Variants in SLC45A1 observed in about 807,000 individuals in gnomAD.
SLC45A1 encodes the protein proton-associated sugar transporter A.
Under a neutral mutation model 57.6 loss-of-function variants are expected in SLC45A1, and 28 were observed. The ratio of observed to expected loss-of-function variants is 0.49; its 90% confidence interval spans 0.36 to 0.67. The LOEUF is 0.67. SLC45A1 is among the 30% of genes least tolerant of loss of function. The pLI, the probability that SLC45A1 is intolerant of heterozygous loss-of-function variation, is 0.00. For synonymous variants in SLC45A1, 459 were observed against 471.5 expected, an observed-to-expected ratio of 0.97 and a Z score of 0.34; for missense variants, 814 against 1,041.5, an observed-to-expected ratio of 0.78 and a Z score of 3.01.
rs200084739 is a variant in SLC45A1 at position 8,330,649 on chromosome 1, G to T, written c.1156G>T (p.Asp386Tyr). Residue 386 changes from aspartate to tyrosine, a missense_variant, in exon 5 of 9, where the codon GAC (aspartate) becomes TAC (tyrosine). Asp to Tyr is a radical substitution (Grantham distance 160, BLOSUM62 -3). Coordinates refer to ENST00000471889, the MANE Select transcript of SLC45A1 (RefSeq NM_001080397.3). The surrounding 1 kb of genome is among the most constrained non-coding windows in gnomAD (Gnocchi z 8.4). ...VLIDCFTGGHDSYLAIPGSVP... is the reference protein window; with the variant it reads ...VLIDCFTGGHYSYLAIPGSVP... Reference sequence around the variant, plus strand: ...CATTGACTGCTTCACGGGCGGCCACGACAGCTACCTGGCCATCCCTGGCAG... The same window carrying T: ...CATTGACTGCTTCACGGGCGGCCACTACAGCTACCTGGCCATCCCTGGCAG... 3.7e-6 allele frequency: 6 copies of T among 1,613,402 alleles called. No individual in the cohort carries two copies. The highest frequency in any genetic ancestry group is 3.3e-5 in the South Asian group (3 of 91,080).
rs112087207 is a variant in SLC45A1, at chr1:8,327,274, T to C, written c.715+1232T>C. On this transcript the variant is annotated intron_variant, in intron 4 of 8. Transcript: ENST00000471889. The surrounding 1 kb of genome is among the most constrained non-coding windows in gnomAD (Gnocchi z 4.3). ...TATATCCATACCATGCATATATGTA[T>C]GTATATATACATACCTGTGGCATGC... Among the ~76,000 whole-genome samples, 1 of 152,170 alleles carries C rather than the reference T, an allele frequency of 6.6e-6. No homozygotes were observed. The highest frequency in any genetic ancestry group is 2.4e-5 in the African/African-American group (1 of 41,434).
chr1:8,342,300 C>T (rs1206334788), intron 8 of SLC45A1, among the ~76,000 whole-genome samples: 1 of 152,138 alleles, frequency 6.6e-6, no homozygotes, highest in Non-Finnish European at 1.5e-5. Context: ...AAATATGCAC[C>T]ATCTAACAGT....
chr1:8,342,694 C>T (rs1200730265), intron 8 of SLC45A1, among the ~76,000 whole-genome samples: 1 of 152,034 alleles, frequency 6.6e-6, no homozygotes, highest in East Asian at 1.9e-4. Flanking sequence ...GAAATATTAC[C>T]TGGACAGTCT....
At position 8,343,866 on chromosome 1, in the gene SLC45A1, G is replaced by A. The variant is rs372567362; in HGVS notation, c.2100G>A (p.Ser700=). Residue 700 remains serine, a synonymous_variant, in exon 9 of 9, where the codon TCG becomes TCA. Coordinates refer to ENST00000471889, the MANE Select transcript of SLC45A1 (RefSeq NM_001080397.3). This position sits in a 1 kb window ranked among gnomAD's most constrained non-coding sequence, Gnocchi z 7.7. ...CCCTGGTCCTGGGGCCCCTGACCTC[G>A]GCCGTGGGCAGTGCCAACGGGGTGA... ...LVSLVLGPLT[S]AVGSANGVMY... is the part of the protein sequence containing the mutation. The A allele has an allele frequency of 9.9e-6, 16 of 1,614,058 alleles. No individual in the cohort carries two copies. Among genetic ancestry groups the A allele is most frequent in the Middle Eastern group, 1.6e-4 (1 of 6,084 alleles).
intron 6 of SLC45A1, 124 bp from the exon 7 acceptor site, chr1:8,337,692 A>G (rs1393091498): frequency 3.5e-6 from 3 of 858,434 alleles, no homozygotes; most frequent in Admixed American, 5.2e-5. Context: ...TGCTGGGATT[A>G]CAGGCGTGAG....
At position 8,339,672 on chromosome 1, in the gene SLC45A1, C is replaced by G. The variant is rs534819852; in HGVS notation, c.1954C>G (p.Leu652Val). The G allele has an allele frequency of 1.2e-6, 2 of 1,614,168 alleles. No individual in the cohort carries two copies. The highest frequency in any genetic ancestry group is 2.2e-5 in the South Asian group (2 of 91,088). ...STLCTLPYSL[L>V]CDYYQSKKFA... is the part of the protein sequence containing the mutation. ...CCTGTGCACCTTGCCTTACTCGCTGCTCTGCGATTACTATCAGAGTAAGAA... is the reference window on the plus strand; with the variant it reads ...CCTGTGCACCTTGCCTTACTCGCTGGTCTGCGATTACTATCAGAGTAAGAA... The change falls in exon 8 of 9, where the codon CTC becomes GTC. Residue 652 changes from leucine (L) to valine (V), a missense_variant. Transcript: ENST00000471889.
Position 8,335,637 on chromosome 1 carries a change from G to A in SLC45A1, c.1597+47G>A. 1 of 1,526,338 alleles carries A rather than the reference G, an allele frequency of 6.6e-7. No homozygotes were observed. Among genetic ancestry groups the A allele is most frequent in the Non-Finnish European group, 8.8e-7 (1 of 1,140,622 alleles). The allele number at this position is 1,526,338 out of a possible 1,614,324, so 94.5% of individuals were successfully genotyped here. ...CCCGTGAGTCCTGGTCCTGCTCAGG[G>A]CTCTCGCCCCACTGGCCTCCCAGGA... On this transcript the variant is annotated intron_variant, in intron 6 of 8. Coordinates refer to ENST00000471889, the MANE Select transcript of SLC45A1 (RefSeq NM_001080397.3). The surrounding 1 kb of genome is among the most constrained non-coding windows in gnomAD (Gnocchi z 4.1).
chr1:8,337,749 T>G, intron 6 of SLC45A1, 67 bp from the exon 7 acceptor site: 1 of 1,436,226 alleles, frequency 7.0e-7, no homozygotes, highest in Non-Finnish European at 9.6e-7. Flanking sequence ...TAGACGCATG[T>G]TGGTTAGAGA....
intron 1 of SLC45A1, among the ~76,000 whole-genome samples, chr1:8,319,722 T>C (rs1241094501): frequency 6.6e-6 from 1 of 152,104 alleles, no homozygotes; most frequent in Admixed American, 6.6e-5. Flanking sequence ...GTTGTTGTTG[T>C]TGTTGTTTTT....
At position 8,325,451 on chromosome 1, in the gene SLC45A1, C is replaced by A; in HGVS notation, c.490+61C>A. The A allele has an allele frequency of 8.1e-7, 1 of 1,234,196 alleles. No individual in the cohort carries two copies. The highest frequency in any genetic ancestry group is 1.2e-6 in the Non-Finnish European group (1 of 853,724). The allele number at this position is 1,234,196 out of a possible 1,614,324, so 76.5% of individuals were successfully genotyped here. On this transcript the variant is annotated intron_variant, in intron 3 of 8. Transcript: ENST00000471889. This position sits in a 1 kb window ranked among gnomAD's most constrained non-coding sequence, Gnocchi z 6.3. ...AAAAAAAAAAGGCCCCAACTGCTTC[C>A]TTTTAGGAAAATTTTAAAAAATGTT...
In SLC45A1 at chr1:8,332,882, A is replaced by T. The variant is rs560702862; in HGVS notation, c.1443+1946A>T. Reference sequence around the variant, plus strand: ...GTAGACATAAGAGTTGCTGGCCTGCACCTGTGGGCGTTGCAGGAGGAGAGT... The same window carrying T: ...GTAGACATAAGAGTTGCTGGCCTGCTCCTGTGGGCGTTGCAGGAGGAGAGT... On this transcript the variant is annotated intron_variant, in intron 5 of 8. Coordinates refer to ENST00000471889, the MANE Select transcript of SLC45A1 (RefSeq NM_001080397.3). Among the ~76,000 whole-genome samples the T allele has an allele frequency of 2.0e-4, 30 of 152,236 alleles. 1 individual carries two copies. The highest frequency in any genetic ancestry group is 6.7e-4 in the African/African-American group (28 of 41,550).
At chr1:8,320,458 C>T (rs1390212101) in intron 1 of SLC45A1, among the ~76,000 whole-genome samples, 7 of 152,122 alleles carry the variant, frequency 4.6e-5, no homozygotes, top group Non-Finnish European at 7.3e-5. Context: ...GCCTGGGCAA[C>T]ATGGCGAAAC....
At chr1:8,337,685 TG>T (rs1640663300) in intron 6 of SLC45A1, 130 bp from the exon 7 acceptor site, 1 of 794,774 alleles carries the variant, frequency 1.3e-6, no homozygotes, top group African/African-American at 1.7e-5. Context: ...CCCAAAGTGC[TG>T]GGATTACAGG....
intron 5 of SLC45A1, among the ~76,000 whole-genome samples, chr1:8,334,572 G>A (rs1423822175): frequency 6.6e-6 from 1 of 152,084 alleles, no homozygotes; most frequent in African/African-American, 2.4e-5. Context: ...GTGTGGTGGT[G>A]CTCGCCTGTA....
In SLC45A1 at chr1:8,343,883, A is replaced by G. The variant is rs1176332072; in HGVS notation, c.2117A>G (p.Asn706Ser). ...CTGACCTCGGCCGTGGGCAGTGCCA[A>G]CGGGGTGATGTACTTCTCCAGCCTC... ...GPLTSAVGSA[N>S]GVMYFSSLVS... The change falls in exon 9 of 9, where the codon AAC (asparagine) becomes AGC (serine). Residue 706 changes from asparagine (N) to serine (S), a missense_variant. Coordinates refer to ENST00000471889, the MANE Select transcript of SLC45A1 (RefSeq NM_001080397.3). This position sits in a 1 kb window ranked among gnomAD's most constrained non-coding sequence, Gnocchi z 7.7. 3.1e-6 allele frequency: 5 copies of G among 1,614,138 alleles called. No homozygotes were observed. The highest frequency in any genetic ancestry group is 3.4e-6 in the Non-Finnish European group (4 of 1,180,010).
At chr1:8,333,505 G>T (rs566439216) in intron 5 of SLC45A1, among the ~76,000 whole-genome samples, 1 of 152,050 alleles carries the variant, frequency 6.6e-6, no homozygotes, top group Non-Finnish European at 1.5e-5. Flanking sequence ...GTGCATTCAC[G>T]GCTCACTGCA....
chr1:8,326,131 T>A lies in SLC45A1; in HGVS notation c.715+89T>A. 1.0e-6 allele frequency: 1 copy of A among 982,420 alleles called. No homozygotes were observed. The highest frequency in any genetic ancestry group is 1.5e-5 in the South Asian group (1 of 67,772). 60.9% of individuals were successfully genotyped at this position (982,420 alleles called of 1,614,324 possible). A position where few individuals can be genotyped will look rare whatever the true frequency, so the allele number is the denominator to read the frequency against. On this transcript the variant is annotated intron_variant, in intron 4 of 8. Transcript: ENST00000471889. The surrounding 1 kb of genome is among the most constrained non-coding windows in gnomAD (Gnocchi z 5.5). ...TCGAGGCCCTTCCTCACTCCCTGAT[T>A]TAACAAAGAAGCTGGGAGAATTCCA...
chr1:8,338,941 T>C (rs1026407056), intron 7 of SLC45A1, among the ~76,000 whole-genome samples: 1 of 152,178 alleles, frequency 6.6e-6, no homozygotes, highest in African/African-American at 2.4e-5. Context: ...CAGATCTCAC[T>C]TGTGAGTCCA....
At chr1:8,319,906 C>T (rs1248850437) in intron 1 of SLC45A1, among the ~76,000 whole-genome samples, 3 of 151,990 alleles carry the variant, frequency 2.0e-5, no homozygotes, top group South Asian at 2.1e-4. Context: ...TTAGTAGAGA[C>T]GGGGTTTCTC....
Sources: allele counts gnomAD v4.1 joint callset (sites outside exome capture counted in the v4.1 genomes callset), GRCh38; gene constraint gnomAD v4.1.1; non-coding constraint Gnocchi (gnomAD v3.1); transcripts MANE v1.5; gene names NCBI Gene and HGNC (gene_info 2026-07-23, HGNC 2026-07-21).